LAMA4: variants seen among roughly 807,000 people sequenced by gnomAD.
The protein encoded by LAMA4 is laminin subunit alpha-4.
In LAMA4, 127 loss-of-function variants were observed where a neutral mutation model predicts 207.1. That is an observed-to-expected ratio of 0.61 (90% confidence interval 0.53 to 0.71). The LOEUF (loss-of-function observed/expected upper bound fraction) is 0.71. Among genes scored for constraint, LAMA4 ranks in the 30% least tolerant of loss-of-function variants. The probability of loss-of-function intolerance (pLI) is 0.00; values close to 1 mark genes in which losing one functional copy is unlikely to be tolerated. For missense variants in LAMA4, 2,093 were observed against 2,246.5 expected, an observed-to-expected ratio of 0.93 and a Z score of 1.38; for synonymous variants, 761 against 816.0, an observed-to-expected ratio of 0.93 and a Z score of 1.15.
In LAMA4 at chr6:112,249,585, C is replaced by T. The variant is rs539917650; in HGVS notation, c.195+4371G>A. ...TTTTATAAACTCCTTCCTAGCTGTG[C>T]TGCTTACAAGCAGGGGCCTGGGCAA... On this transcript the variant is annotated intron_variant, in intron 2 of 38. Coordinates refer to ENST00000230538, the MANE Select transcript of LAMA4 (RefSeq NM_001105206.3). Among the ~76,000 whole-genome samples, 3 of 151,856 alleles carry T rather than the reference C, an allele frequency of 2.0e-5. No individual in the cohort carries two copies. In the East Asian group the frequency reaches 5.8e-4, roughly 29 times the overall value.
chr6:112,113,982 T>A, intron 38 of LAMA4, 94 bp downstream of exon 38: 1 of 1,383,926 alleles, frequency 7.2e-7, no homozygotes, highest in Non-Finnish European at 1.0e-6. Context: ...AGTAACTAGG[T>A]GCATCATAAA....
At chr6:112,253,443 G>T in intron 2 of LAMA4, 2 of 353,180 alleles carry the variant, frequency 5.7e-6, no homozygotes, top group South Asian at 5.1e-5. Flanking sequence ...CTCAGCAGTT[G>T]TCTAACAGCT....
intron 33 of LAMA4, among the ~76,000 whole-genome samples, chr6:112,119,994 A>G (rs587748873): frequency 7.9e-5 from 12 of 152,342 alleles, no homozygotes; most frequent in African/African-American, 2.9e-4. Flanking sequence ...GCTGAAAAGT[A>G]AAAACCTATT....
chr6:112,117,132 C>A lies in LAMA4; in HGVS notation c.4981+607G>T, dbSNP rs1332545314. ...GTGTCTTCCTCACACCCAGCGATTG[C>A]TCCATAGAATATTCTTGGAATGAAT... On this transcript the variant is annotated intron_variant, in intron 35 of 38. Transcript: ENST00000230538. This position sits in a 1 kb window ranked among gnomAD's most constrained non-coding sequence, Gnocchi z 4.5. Among the ~76,000 whole-genome samples the A allele has an allele frequency of 1.3e-5, 2 of 152,138 alleles. No individual in the cohort carries two copies. The highest frequency in any genetic ancestry group is 4.8e-5 in the African/African-American group (2 of 41,426).
intron 14 of LAMA4, chr6:112,158,016 C>A (rs187969745): frequency 6.6e-6 from 1 of 152,228 alleles, no homozygotes; most frequent in East Asian, 1.9e-4. Flanking sequence ...TTATTAATGA[C>A]CTTTACTGGT....
intron 17 of LAMA4, 22 bp from the exon 18 acceptor site, chr6:112,148,358 A>G: frequency 3.1e-6 from 5 of 1,613,400 alleles, no homozygotes; most frequent in Non-Finnish European, 4.2e-6. Flanking sequence ...GCACAGGGTC[A>G]TTCACTTTGC....
chr6:112,158,006 T>C (rs1323476354), intron 14 of LAMA4: 4 of 152,246 alleles, frequency 2.6e-5, no homozygotes, highest in African/African-American at 9.6e-5. Context: ...GGTTCTTATT[T>C]TATTAATGAC....
intron 2 of LAMA4, chr6:112,216,890 T>C: frequency 4.0e-6 from 1 of 252,268 alleles, no homozygotes; most frequent in Non-Finnish European, 7.8e-6. Context: ...GACTTCTCGT[T>C]TCAGCAATCA....
At chr6:112,197,480 C>A (rs1783489004) in intron 5 of LAMA4, among the ~76,000 whole-genome samples, 3 of 152,166 alleles carry the variant, frequency 2.0e-5, no homozygotes, top group Admixed American at 6.5e-5. Flanking sequence ...TCATGTAATA[C>A]CCCTTCCAGT....
At chr6:112,123,558 C>T (rs925504899) in intron 31 of LAMA4, among the ~76,000 whole-genome samples, 7 of 151,966 alleles carry the variant, frequency 4.6e-5, no homozygotes, top group Non-Finnish European at 8.8e-5. Context: ...AGACAAAATC[C>T]CCCCCACAAA....
intron 16 of LAMA4, among the ~76,000 whole-genome samples, chr6:112,152,803 G>T (rs1232040962): frequency 1.3e-5 from 2 of 151,962 alleles, no homozygotes; most frequent in Non-Finnish European, 2.9e-5. Flanking sequence ...GTAGTGTGAA[G>T]AATTTGCATT....
intron 24 of LAMA4, among the ~76,000 whole-genome samples, chr6:112,138,862 TA>T (rs1779510233): frequency 6.6e-6 from 1 of 152,212 alleles, no homozygotes; most frequent in Non-Finnish European, 1.5e-5. Context: ...CCTGCTCATC[TA>T]GATCTTGGTT....
intron 10 of LAMA4, 42 bp downstream of exon 10, chr6:112,178,079 G>A (rs1782127290): frequency 7.3e-7 from 1 of 1,361,090 alleles, no homozygotes; most frequent in South Asian, 1.2e-5. Flanking sequence ...TAACATAAGT[G>A]TTTCCTTGAT....
chr6:112,109,654 A>G lies in LAMA4; in HGVS notation c.5327-72T>C. 4.1e-6 allele frequency: 6 copies of G among 1,458,154 alleles called. No individual in the cohort carries two copies. In the African/African-American group the frequency reaches 6.0e-5, roughly 15 times the overall value. 90.3% of individuals were successfully genotyped at this position (1,458,154 alleles called of 1,614,324 possible). ...CAAGCCCAAATATTACTTCCTGGTA[A>G]AAGTATACATATTTGCTCATATCAT... On this transcript the variant is annotated intron_variant, in intron 38 of 38. Transcript: ENST00000230538.
intron 2 of LAMA4, among the ~76,000 whole-genome samples, chr6:112,242,083 C>G (rs1294446573): frequency 6.6e-6 from 1 of 152,194 alleles, no homozygotes; most frequent in Admixed American, 6.5e-5. Flanking sequence ...CCTGCCTCTG[C>G]TCTACTTCCT....
intron 13 of LAMA4, among the ~76,000 whole-genome samples, chr6:112,160,547 G>A (rs1369291681): frequency 6.6e-6 from 1 of 152,104 alleles, no homozygotes; most frequent in Non-Finnish European, 1.5e-5. Flanking sequence ...AATGTTTCTT[G>A]CCAAGATCAC....
chr6:112,215,829 T>G (rs1554358433), intron 3 of LAMA4, among the ~76,000 whole-genome samples: 1 of 152,156 alleles, frequency 6.6e-6, no homozygotes, highest in Non-Finnish European at 1.5e-5. Context: ...AAAAAAATAG[T>G]CTCCTGGGGG....
At chr6:112,252,363 C>G (rs1189982153) in intron 2 of LAMA4, among the ~76,000 whole-genome samples, 1 of 152,112 alleles carries the variant, frequency 6.6e-6, no homozygotes, top group African/African-American at 2.4e-5. Context: ...AAGAAATTTC[C>G]TAGGGTCTTA....
chr6:112,210,963 A>AT (rs1486748904), intron 3 of LAMA4, among the ~76,000 whole-genome samples: 1 of 152,220 alleles, frequency 6.6e-6, no homozygotes, highest in Non-Finnish European at 1.5e-5. Flanking sequence ...TATAGTCCAC[A>AT]TTAAAAAAAG....
Sources: allele counts gnomAD v4.1 joint callset (sites outside exome capture counted in the v4.1 genomes callset), GRCh38; gene constraint gnomAD v4.1.1; non-coding constraint Gnocchi (gnomAD v3.1); transcripts MANE v1.5; gene names NCBI Gene and HGNC (gene_info 2026-07-23, HGNC 2026-07-21).